Variants in IGSF11 observed in about 807,000 individuals in gnomAD.
The protein encoded by IGSF11 is CXADR like 1.
IGSF11 carries 22 observed loss-of-function variants against 41.0 expected under a neutral mutation model. That is an observed-to-expected ratio of 0.54 (90% CI 0.38 to 0.77). The LOEUF is 0.77. IGSF11 is among the 30% of genes least tolerant of loss of function. The pLI is 0.00. For synonymous variants in IGSF11, 219 were observed against 201.3 expected (o/e 1.09, Z -0.74); for missense variants, 444 against 530.8 (o/e 0.84, Z 1.61).
intron 1 of IGSF11, among the ~76,000 whole-genome samples, chr3:119,046,470 G>A (rs1252405738): frequency 6.6e-6 from 1 of 152,046 alleles, no homozygotes; most frequent in Non-Finnish European, 1.5e-5. Context: ...AATGAGCAAA[G>A]CCTCCAAGAA....
At chr3:118,913,295 G>A (rs939550194) in intron 4 of IGSF11, among the ~76,000 whole-genome samples, 5 of 151,986 alleles carry the variant, frequency 3.3e-5, no homozygotes, top group African/African-American at 4.8e-5. Flanking sequence ...TTCCAGAAGT[G>A]ACAAAAAATA....
chr3:119,006,497 T>C (rs896857998), intron 1 of IGSF11, among the ~76,000 whole-genome samples: 1 of 131,356 alleles, frequency 7.6e-6, no homozygotes, highest in Non-Finnish European at 1.6e-5. Flanking sequence ...CTTTGTTCCG[T>C]TGCTGCTGAG....
chr3:118,960,575 C>A (rs914279511), intron 1 of IGSF11, among the ~76,000 whole-genome samples: 1 of 151,750 alleles, frequency 6.6e-6, no homozygotes, highest in East Asian at 1.9e-4. Flanking sequence ...GTATTTATTC[C>A]TCCTAGCTAC....
intron 1 of IGSF11, among the ~76,000 whole-genome samples, chr3:119,070,263 G>A (rs550536135): frequency 2.4e-3 from 371 of 152,242 alleles, no homozygotes; most frequent in African/African-American, 8.0e-3. Context: ...AAAAATAAAC[G>A]AATCTTCAAC....
At chr3:119,048,469 A>C (rs961180747) in intron 1 of IGSF11, among the ~76,000 whole-genome samples, 2 of 152,174 alleles carry the variant, frequency 1.3e-5, no homozygotes, top group Non-Finnish European at 2.9e-5. Context: ...TCTCTGAATA[A>C]ACCAATAACA....
intron 1 of IGSF11, among the ~76,000 whole-genome samples, chr3:119,023,139 G>C (rs1939462195): frequency 6.6e-6 from 1 of 151,956 alleles, no homozygotes; most frequent in African/African-American, 2.4e-5. Context: ...GCTGATGCCT[G>C]TAATCCCAGC....
chr3:119,108,172 C>T (rs1309171051), upstream of IGSF11, among the ~76,000 whole-genome samples: 4 of 150,956 alleles, frequency 2.6e-5, no homozygotes, highest in East Asian at 3.9e-4. Flanking sequence ...TATAAATTAC[C>T]TTGGGCAGTA....
chr3:119,087,645 G>A (rs974086214), intron 1 of IGSF11, among the ~76,000 whole-genome samples: 9 of 151,978 alleles, frequency 5.9e-5, no homozygotes, highest in African/African-American at 2.2e-4. Flanking sequence ...GATGGCAGGG[G>A]ATAAAAGACT....
chr3:119,083,545 CACACACACAT>C (rs1212415234), intron 1 of IGSF11, among the ~76,000 whole-genome samples: 74 of 150,060 alleles, frequency 4.9e-4, no homozygotes, highest in African/African-American at 1.5e-3. Context: ...CAAACACACA[CACACACACAT>C]AGAGTCATGT....
At chr3:118,990,994 T>G (rs1009141073) in intron 1 of IGSF11, among the ~76,000 whole-genome samples, 3 of 152,182 alleles carry the variant, frequency 2.0e-5, no homozygotes, top group African/African-American at 7.2e-5. Context: ...CCTCTGGAAT[T>G]ACCTAGTCTC....
chr3:119,091,001 G>T lies in IGSF11; in HGVS notation c.49+14143C>A, dbSNP rs182800494. Among the ~76,000 whole-genome samples the T allele has an allele frequency of 2.2e-3, 338 of 152,086 alleles. 6 individuals carry two copies. The highest frequency in any genetic ancestry group is 0.02 in the Admixed American group (299 of 15,298). On this transcript the variant is annotated intron_variant, in intron 1 of 6. Transcript: ENST00000354673. ...AGGTCTAATATCCAGAATCTACAAGGAACTTAAGGAAAAAACAAATAACCC... is the reference window on the plus strand; with the variant it reads ...AGGTCTAATATCCAGAATCTACAAGTAACTTAAGGAAAAAACAAATAACCC...
chr3:118,990,486 T>C (rs1276701536), intron 1 of IGSF11, among the ~76,000 whole-genome samples: 1 of 152,166 alleles, frequency 6.6e-6, no homozygotes, highest in Non-Finnish European at 1.5e-5. Context: ...AACATAAAGA[T>C]GCTAAGTAAG....
intron 1 of IGSF11, among the ~76,000 whole-genome samples, chr3:119,009,164 T>C (rs930883138): frequency 4.6e-5 from 7 of 152,116 alleles, no homozygotes; most frequent in African/African-American, 1.7e-4. Flanking sequence ...ATGTTCACCC[T>C]TTCAGACTAA....
At chr3:118,981,304 GGACTA>G (rs1456521072) in intron 1 of IGSF11, among the ~76,000 whole-genome samples, 1 of 152,062 alleles carries the variant, frequency 6.6e-6, no homozygotes, top group Non-Finnish European at 1.5e-5. Context: ...CAAGTAGCTG[GGACTA>G]CAGGCACATG....
chr3:118,986,785 A>T (rs992385514), intron 1 of IGSF11, among the ~76,000 whole-genome samples: 1 of 152,216 alleles, frequency 6.6e-6, no homozygotes, highest in African/African-American at 2.4e-5. Context: ...TAAGAAAGAG[A>T]AGAACACAGA....
intron 4 of IGSF11, among the ~76,000 whole-genome samples, chr3:118,912,317 T>C (rs1011240084): frequency 3.9e-5 from 6 of 152,198 alleles, no homozygotes; most frequent in African/African-American, 9.6e-5. Context: ...CTTATCTCCA[T>C]CCTTGGTTGC....
intron 1 of IGSF11, among the ~76,000 whole-genome samples, chr3:119,102,760 T>A (rs546577414): frequency 6.6e-6 from 1 of 152,208 alleles, no homozygotes; most frequent in Admixed American, 6.5e-5. Context: ...CTCCCACATC[T>A]CCAAAGTGTT....
At position 118,952,072 on chromosome 3, in the gene IGSF11, G is replaced by A. The variant is rs190399707; in HGVS notation, c.53-21797C>T. ...TTTGGTTTCCCAGTGCATATAAGTT[G>A]TATTTACACTATACTGTAGTCTATT... On this transcript the variant is annotated intron_variant, in intron 1 of 6. Coordinates refer to ENST00000393775, the MANE Select transcript of IGSF11 (RefSeq NM_001015887.3). 4.6e-5 allele frequency among the ~76,000 whole-genome samples: 7 copies of A among 152,110 alleles called. No homozygotes were observed. In the East Asian group the frequency reaches 5.8e-4, roughly 13 times the overall value.
At chr3:119,003,389 T>G (rs1937112018) in intron 1 of IGSF11, among the ~76,000 whole-genome samples, 1 of 149,892 alleles carries the variant, frequency 6.7e-6, no homozygotes, top group Non-Finnish European at 1.5e-5. Context: ...ACGATGGGGT[T>G]TTCCAGATAA....
Sources: gnomAD v4.1 joint callset for allele counts (sites outside exome capture counted in the v4.1 genomes callset) on GRCh38, gnomAD v4.1.1 for gene constraint, MANE v1.5 for transcripts, NCBI Gene and HGNC (gene_info 2026-07-23, HGNC 2026-07-21) for gene names.